PHACTR1: variants seen among roughly 807,000 people sequenced by gnomAD.
The protein encoded by PHACTR1 is phosphatase and actin regulator 1.
In PHACTR1, 16 loss-of-function variants were observed where a neutral mutation model predicts 69.2. That is an observed-to-expected ratio of 0.23 (90% CI 0.16 to 0.35). The LOEUF (loss-of-function observed/expected upper bound fraction) is 0.35, where lower values mean the gene tolerates loss of function less well. Ranked by LOEUF, PHACTR1 falls within the 10% of genes least tolerant of loss-of-function variation. The pLI is 1.00. For synonymous variants in PHACTR1, 312 were observed against 284.5 expected (o/e 1.10, Z -0.97); for missense variants, 510 against 734.7 (o/e 0.69, Z 3.54).
At chr6:12,757,638 C>A (rs1279208022) in intron 4 of PHACTR1, among the ~76,000 whole-genome samples, 1 of 151,948 alleles carries the variant, frequency 6.6e-6, no homozygotes, top group Non-Finnish European at 1.5e-5. Flanking sequence ...AGCCAGTATG[C>A]GTTCATGATG....
intron 5 of PHACTR1, among the ~76,000 whole-genome samples, chr6:13,142,825 T>G (rs928022503): frequency 6.8e-6 from 1 of 147,154 alleles, no homozygotes; most frequent in Non-Finnish European, 1.5e-5. Context: ...ATACTAAAAT[T>G]GAGAAGTGTG....
intron 4 of PHACTR1, among the ~76,000 whole-genome samples, chr6:12,973,257 A>G (rs563111515): frequency 6.6e-6 from 1 of 152,110 alleles, no homozygotes; most frequent in Admixed American, 6.6e-5. Flanking sequence ...CCTTTTCTTT[A>G]TTTATAACAA....
At chr6:12,788,561 C>A (rs575711913) in intron 4 of PHACTR1, among the ~76,000 whole-genome samples, 2 of 152,286 alleles carry the variant, frequency 1.3e-5, no homozygotes, top group African/African-American at 4.8e-5. Context: ...AAGATTCCAA[C>A]ATTAATTTTG....
chr6:12,881,725 C>G (rs536658264), intron 4 of PHACTR1, among the ~76,000 whole-genome samples: 1 of 152,254 alleles, frequency 6.6e-6, no homozygotes, highest in Admixed American at 6.5e-5. Context: ...GTCTGGAACA[C>G]AGTAGGACTC....
At chr6:12,947,644 C>A (rs187644809) in intron 4 of PHACTR1, among the ~76,000 whole-genome samples, 1 of 152,128 alleles carries the variant, frequency 6.6e-6, no homozygotes, top group South Asian at 2.1e-4. Flanking sequence ...ATTATATGAC[C>A]TTTGGGGAAA....
chr6:13,242,398 T>C (rs1772983897), intron 10 of PHACTR1, among the ~76,000 whole-genome samples: 1 of 152,208 alleles, frequency 6.6e-6, no homozygotes, highest in Non-Finnish European at 1.5e-5. Flanking sequence ...CACAGGTCTT[T>C]AGGTCATGAT....
At chr6:13,226,057 A>G (rs1334901728) in intron 8 of PHACTR1, among the ~76,000 whole-genome samples, 3 of 152,212 alleles carry the variant, frequency 2.0e-5, no homozygotes, top group Non-Finnish European at 4.4e-5. Context: ...TTAGGTGGGA[A>G]ATGGACCAAC....
intron 4 of PHACTR1, among the ~76,000 whole-genome samples, chr6:12,818,009 G>C (rs1775784057): frequency 6.6e-6 from 1 of 152,004 alleles, no homozygotes; most frequent in Non-Finnish European, 1.5e-5. Context: ...ATTTTTAGTA[G>C]AGACAGGGTT....
At chr6:12,752,603 T>C (rs1335579610) in intron 4 of PHACTR1, among the ~76,000 whole-genome samples, 1 of 152,256 alleles carries the variant, frequency 6.6e-6, no homozygotes, top group African/African-American at 2.4e-5. Flanking sequence ...TATACATATA[T>C]TCCTTTTACT....
chr6:13,187,755 C>G (rs1763000501), intron 7 of PHACTR1, among the ~76,000 whole-genome samples: 1 of 152,268 alleles, frequency 6.6e-6, no homozygotes, highest in African/African-American at 2.4e-5. Context: ...TACCATTGAG[C>G]CAGGGATACC....
intron 5 of PHACTR1, among the ~76,000 whole-genome samples, chr6:13,081,484 C>T (rs1394215351): frequency 6.6e-6 from 1 of 152,130 alleles, no homozygotes; most frequent in Non-Finnish European, 1.5e-5. Context: ...AATCACTGCT[C>T]CTGGTTACAA....
intron 4 of PHACTR1, among the ~76,000 whole-genome samples, chr6:12,879,627 G>T (rs928786615): frequency 6.6e-6 from 1 of 152,108 alleles, no homozygotes. Context: ...AACTCGTAAT[G>T]ATATCAATAG....
intron 3 of PHACTR1, among the ~76,000 whole-genome samples, chr6:12,737,398 T>TAC (rs3071780): frequency 0.37 from 55,066 of 149,238 alleles, 10,007 homozygotes; most frequent in Middle Eastern, 0.48. Context: ...TATTGTTTTA[T>TAC]ACACACACAC....
At chr6:13,037,296 C>T (rs919761436) in intron 4 of PHACTR1, among the ~76,000 whole-genome samples, 2 of 152,162 alleles carry the variant, frequency 1.3e-5, no homozygotes, top group African/African-American at 4.8e-5. Context: ...AGAAGCCTCA[C>T]TACCTACAGG....
In PHACTR1 at chr6:13,042,799, C is replaced by T. The variant is rs1258044230; in HGVS notation, c.251-10566C>T. Among the ~76,000 whole-genome samples the T allele has an allele frequency of 2.0e-5, 3 of 152,192 alleles. No homozygotes were observed. The East Asian group carries it at 5.8e-4, about 29-fold the overall frequency. The stretch of plus-strand genomic sequence containing the variant: ...TTTAGCTGAGCCCATGTTCTGTGCC[C>T]CAAAAGAATGCTTTTAGTATATGCC... On this transcript the variant is annotated intron_variant, in intron 4 of 14. Transcript: ENST00000332995.
At position 12,894,665 on chromosome 6, in the gene PHACTR1, C is replaced by A. The variant is rs575594835; in HGVS notation, c.250+144875C>A. ...TGCCCAGCCATGCTGTCACCCCTAA[C>A]CACATAGTAGAGTTAGACAGGTCCT... On this transcript the variant is annotated intron_variant, in intron 4 of 14. Coordinates refer to ENST00000332995, the MANE Select transcript of PHACTR1 (RefSeq NM_030948.6). 3.3e-5 allele frequency among the ~76,000 whole-genome samples: 5 copies of A among 152,248 alleles called. No individual in the cohort carries two copies. The East Asian group carries it at 9.7e-4, about 29-fold the overall frequency.
In PHACTR1 at chr6:12,749,649, C is replaced by A; in HGVS notation, c.109C>A (p.Arg37=). 6.2e-7 allele frequency: 1 copy of A among 1,610,394 alleles called. No individual in the cohort carries two copies. Among genetic ancestry groups the A allele is most frequent in the Non-Finnish European group, 8.5e-7 (1 of 1,179,026 alleles). The change falls in exon 4 of 15, where the codon CGG becomes AGG. Residue 37 remains arginine (R), a synonymous_variant. Transcript: ENST00000332995. The part of the protein sequence containing the change: ...FFYSQGAQAR[R]ATLLLPPTLM... ...CGTCTCCTTCTCCCTCTCAGCTCGC[C>A]GGGCGACCCTGCTCCTGCCTCCCAC... is the stretch of plus-strand genomic sequence containing the variant.
At chr6:12,883,760 G>A (rs1783346869) in intron 4 of PHACTR1, among the ~76,000 whole-genome samples, 1 of 152,064 alleles carries the variant, frequency 6.6e-6, no homozygotes. Context: ...TCTTGATAGT[G>A]CTCACATCCC....
intron 5 of PHACTR1, among the ~76,000 whole-genome samples, chr6:13,155,014 T>G (rs1445741575): frequency 6.6e-6 from 1 of 152,148 alleles, no homozygotes; most frequent in Admixed American, 6.6e-5. Context: ...TGGTTGTCCC[T>G]TTGCACCAGT....
Sources: gnomAD v4.1 joint callset for allele counts (sites outside exome capture counted in the v4.1 genomes callset) on GRCh38, gnomAD v4.1.1 for gene constraint, MANE v1.5 for transcripts, NCBI Gene and HGNC (gene_info 2026-07-23, HGNC 2026-07-21) for gene names.